The following ADGRL2 variants were observed in gnomAD, a reference collection of about 807,000 sequenced individuals.
ADGRL2 encodes calcium-independent alpha-latrotoxin receptor 2.
In ADGRL2, 44 loss-of-function variants were observed where a neutral mutation model predicts 157.4. The ratio of observed to expected loss-of-function variants is 0.28; its 90% CI spans 0.22 to 0.36. ADGRL2 has a LOEUF of 0.36. Among genes scored for constraint, ADGRL2 ranks in the 10% least tolerant of loss-of-function variants. The probability of loss-of-function intolerance (pLI) is 1.00; values close to 1 mark genes in which losing one functional copy is unlikely to be tolerated. For missense variants in ADGRL2, 1,510 were observed against 1,768.9 expected (o/e 0.85, Z 2.63); for synonymous variants, 585 against 624.7 (o/e 0.94, Z 0.95).
At chr1:81,505,772 T>C (rs1411880668) in intron 2 of ADGRL2, among the ~76,000 whole-genome samples, 1 of 147,698 alleles carries the variant, frequency 6.8e-6, no homozygotes, top group Non-Finnish European at 1.5e-5. Flanking sequence ...AATAGGAGGC[T>C]GAAACCTAGA....
At position 81,970,388 on chromosome 1, in the gene ADGRL2, T is replaced by G. The variant is rs1043983110; in HGVS notation, c.2808T>G (p.Gly936=). ...LAAFAWMCLE[G]VQLYLMLVEV... ...CTTTTGCTTGGATGTGCCTAGAAGG[T>G]GTGCAGCTCTACCTAATGTTAGTTG... Residue 936 remains glycine, a synonymous_variant, in exon 16 of 24, where the codon GGT becomes GGG. Coordinates refer to ENST00000686636, the MANE Select transcript of ADGRL2 (RefSeq NM_001366006.2). 4 of 1,587,760 alleles carry G rather than the reference T, an allele frequency of 2.5e-6. No homozygotes were observed. In the African/African-American group the frequency reaches 4.1e-5, roughly 16 times the overall value.
At chr1:81,933,241 A>G (rs2095261146) in intron 3 of ADGRL2, among the ~76,000 whole-genome samples, 1 of 151,856 alleles carries the variant, frequency 6.6e-6, no homozygotes, top group South Asian at 2.1e-4. Context: ...ACTCATTAAA[A>G]CCCTATTTTT....
chr1:81,739,423 G>T (rs1346761295), intron 1 of ADGRL2, among the ~76,000 whole-genome samples: 1 of 152,230 alleles, frequency 6.6e-6, no homozygotes, highest in Non-Finnish European at 1.5e-5. Context: ...CAGAACCCTT[G>T]GGCCCATTTC....
chr1:81,384,110 A>G (rs1407125057), intron 1 of ADGRL2, among the ~76,000 whole-genome samples: 2 of 152,196 alleles, frequency 1.3e-5, no homozygotes, highest in Non-Finnish European at 2.9e-5. Context: ...ATGTGCAAAG[A>G]TATATGTCAA....
chr1:81,813,070 G>T (rs1380866639), intron 1 of ADGRL2, among the ~76,000 whole-genome samples: 1 of 151,656 alleles, frequency 6.6e-6, no homozygotes. Context: ...ATATTTTTTA[G>T]TGAGTAGAAT....
chr1:81,374,321 C>T (rs1165541854), intron 1 of ADGRL2, among the ~76,000 whole-genome samples: 2 of 151,794 alleles, frequency 1.3e-5, no homozygotes, highest in Admixed American at 1.3e-4. Flanking sequence ...CTATAAATCC[C>T]AGCACTTTGG....
At chr1:81,631,136 T>A (rs1045881444) in intron 3 of ADGRL2, among the ~76,000 whole-genome samples, 3 of 152,138 alleles carry the variant, frequency 2.0e-5, no homozygotes, top group African/African-American at 7.2e-5. Context: ...GATTTAATCA[T>A]GTCACTCACT....
intron 1 of ADGRL2, among the ~76,000 whole-genome samples, chr1:81,401,436 G>A (rs1416738239): frequency 6.6e-6 from 1 of 152,236 alleles, no homozygotes; most frequent in Non-Finnish European, 1.5e-5. Flanking sequence ...GCGGGAAGAT[G>A]TGGTGGAGGC....
At chr1:81,432,720 G>A (rs1475750329) in intron 1 of ADGRL2, among the ~76,000 whole-genome samples, 1 of 152,082 alleles carries the variant, frequency 6.6e-6, no homozygotes, top group Non-Finnish European at 1.5e-5. Flanking sequence ...AGGTCAAGCT[G>A]TCGTTGGAAC....
chr1:81,832,387 C>G (rs2092007093), intron 1 of ADGRL2, among the ~76,000 whole-genome samples: 1 of 152,168 alleles, frequency 6.6e-6, no homozygotes, highest in African/African-American at 2.4e-5. Flanking sequence ...TCGTGATCCA[C>G]CTGCCTTGGC....
At chr1:81,874,894 T>C (rs1434797675) in intron 2 of ADGRL2, among the ~76,000 whole-genome samples, 1 of 151,836 alleles carries the variant, frequency 6.6e-6, no homozygotes, top group Non-Finnish European at 1.5e-5. Flanking sequence ...TTATTAGAGA[T>C]TGGGGTCTCA....
At chr1:81,402,155 A>G (rs2076768303) in intron 1 of ADGRL2, among the ~76,000 whole-genome samples, 1 of 152,196 alleles carries the variant, frequency 6.6e-6, no homozygotes, top group African/African-American at 2.4e-5. Flanking sequence ...TACTTGACTA[A>G]ATGAGAAGAT....
In ADGRL2 at chr1:81,970,307, C is replaced by G. The variant is rs1331476074; in HGVS notation, c.2734-7C>G. 3.1e-6 allele frequency: 5 copies of G among 1,602,018 alleles called. No homozygotes were observed. The highest frequency in any genetic ancestry group is 4.3e-6 in the Non-Finnish European group (5 of 1,171,574). On this transcript the variant is annotated splice_region_variant and splice_polypyrimidine_tract_variant and intron_variant, in intron 15 of 23. Transcript: ENST00000686636. ...TCTTTTGTGTTTTTTGTTCTTTTCC[C>G]CCGTAGATTGCATGCCCAATATTTG...
At chr1:81,443,439 A>G (rs1489862921) in intron 1 of ADGRL2, among the ~76,000 whole-genome samples, 17 of 139,614 alleles carry the variant, frequency 1.2e-4, no homozygotes, top group Non-Finnish European at 1.1e-4. Flanking sequence ...CTCCATCTCA[A>G]AAAAAAAAAA....
At chr1:81,946,478 C>T (rs1259154246) in intron 6 of ADGRL2, among the ~76,000 whole-genome samples, 3 of 151,818 alleles carry the variant, frequency 2.0e-5, no homozygotes, top group Non-Finnish European at 4.4e-5. Flanking sequence ...AAACACTTTC[C>T]AGTCCTGTTT....
intron 2 of ADGRL2, among the ~76,000 whole-genome samples, chr1:81,501,115 G>T (rs1346022673): frequency 6.6e-6 from 1 of 152,158 alleles, no homozygotes; most frequent in Non-Finnish European, 1.5e-5. Flanking sequence ...CTAACTCGCA[G>T]GGGCAAAATT....
intron 2 of ADGRL2, among the ~76,000 whole-genome samples, chr1:81,451,672 C>T (rs140756581): frequency 1.7e-4 from 26 of 152,212 alleles, no homozygotes; most frequent in African/African-American, 4.8e-4. Context: ...TTAAGAGTCC[C>T]GGTCAAGCAT....
chr1:81,488,221 A>G lies in ADGRL2; in HGVS notation c.-248+43132A>G, dbSNP rs527891232. On this transcript the variant is annotated intron_variant, in intron 2 of 24. Transcript: ENST00000370721. ...TGAAAGTGACTATGTATGTCCAGGGAAAAAAGCAGGTTCAGAAAAGTCCTG... is the reference window on the plus strand; with the variant it reads ...TGAAAGTGACTATGTATGTCCAGGGGAAAAAGCAGGTTCAGAAAAGTCCTG... Among the ~76,000 whole-genome samples the G allele has an allele frequency of 3.9e-5, 6 of 152,330 alleles. No homozygotes were observed. The South Asian group carries it at 1.2e-3, about 32-fold the overall frequency.
intron 1 of ADGRL2, among the ~76,000 whole-genome samples, chr1:81,812,844 C>T (rs2090009786): frequency 6.6e-6 from 1 of 151,586 alleles, no homozygotes; most frequent in African/African-American, 2.4e-5. Flanking sequence ...CTAATAAGGA[C>T]CTACTATTAC....
Sources: allele counts gnomAD v4.1 joint callset (sites outside exome capture counted in the v4.1 genomes callset), GRCh38; gene constraint gnomAD v4.1.1; transcripts MANE v1.5; gene names NCBI Gene and HGNC (gene_info 2026-07-23, HGNC 2026-07-21).